The following GCKR variants were observed in gnomAD, a reference collection of about 807,000 sequenced individuals.
GCKR encodes the protein glucokinase regulatory protein.
A neutral mutation model predicts 82.9 loss-of-function variants in GCKR; 73 were observed. That is an observed-to-expected ratio of 0.88 (90% CI 0.73 to 1.07). The LOEUF (loss-of-function observed/expected upper bound fraction) is 1.07, where lower values mean the gene tolerates loss of function less well. Ranked by LOEUF, GCKR falls within the 50% of genes least tolerant of loss-of-function variation. The pLI, the probability that GCKR is intolerant of heterozygous loss-of-function variation, is 0.00. For missense variants in GCKR, 784 were observed against 782.1 expected (o/e 1.00, Z -0.03); for synonymous variants, 294 against 291.8 (o/e 1.01, Z -0.08).
In GCKR at chr2:27,503,620, G is replaced by A; in HGVS notation, c.750+1G>A. 2 of 1,530,282 alleles carry A rather than the reference G, an allele frequency of 1.3e-6. No individual in the cohort carries two copies. The highest frequency in any genetic ancestry group is 1.8e-6 in the Non-Finnish European group (2 of 1,103,420). The allele number at this position is 1,530,282 out of a possible 1,614,324, so 94.8% of individuals were successfully genotyped here. ...TTTTGTGCTCAATCCTGCCATCGGGGTAGGGCCTCTCCTTTTTCTATGTTC... is the reference window on the plus strand; with the variant it reads ...TTTTGTGCTCAATCCTGCCATCGGGATAGGGCCTCTCCTTTTTCTATGTTC... On this transcript the variant is annotated splice_donor_variant, in intron 9 of 18. Transcript: ENST00000264717. LOFTEE classifies it high-confidence loss of function.
intron 16 of GCKR, among the ~76,000 whole-genome samples, chr2:27,516,381 C>A (rs1670010400): frequency 6.7e-6 from 1 of 150,192 alleles, no homozygotes. Context: ...ACCTCCGCCC[C>A]CCAGGTTCAA....
intron 11 of GCKR, 76 bp from the exon 12 acceptor site, chr2:27,506,712 C>G: frequency 9.0e-7 from 1 of 1,110,740 alleles, no homozygotes. Flanking sequence ...TTTGTTGACT[C>G]CTGTGTTCTT....
At chr2:27,521,419 C>T (rs1670151794) in intron 17 of GCKR, among the ~76,000 whole-genome samples, 1 of 151,806 alleles carries the variant, frequency 6.6e-6, no homozygotes, top group Non-Finnish European at 1.5e-5. Context: ...CAACCTCCAC[C>T]TCCTGGGTTC....
rs1034870471 is a variant in GCKR at position 27,506,367 on chromosome 2, C to G, written c.870-114C>G. 11 of 770,306 alleles carry G rather than the reference C, an allele frequency of 1.4e-5. No homozygotes were observed. The African/African-American group carries it at 1.9e-4, about 13-fold the overall frequency. The allele number at this position is 770,306 out of a possible 1,614,324, so 47.7% of individuals were successfully genotyped here. A position where few individuals can be genotyped will look rare whatever the true frequency, so the allele number is the denominator to read the frequency against. On this transcript the variant is annotated intron_variant, in intron 10 of 18. Transcript: ENST00000264717. ...CCTACTCTCTGCACCTCTCCAGGGA[C>G]CAGCAGAATTTAGTTCTAAGGGAGC...
At chr2:27,517,538 C>G (rs1670040714) in intron 16 of GCKR, among the ~76,000 whole-genome samples, 1 of 152,164 alleles carries the variant, frequency 6.6e-6, no homozygotes, top group Admixed American at 6.5e-5. Flanking sequence ...CCCCTGCCCC[C>G]CATGATTCAA....
Position 27,498,763 on chromosome 2 carries a change from C to A in GCKR, c.394C>A (p.Pro132Thr). The change falls in exon 5 of 19, where the codon CCT becomes ACT. Residue 132 changes from proline (P) to threonine (T), a missense_variant. By Grantham distance (38) the Pro-to-Thr change is conservative (BLOSUM62 -1). Coordinates refer to ENST00000264717, the MANE Select transcript of GCKR (RefSeq NM_001486.4). Reference sequence around the variant, plus strand: ...GCTGATGAAAGGTCTGGGACAGAAACCTCTTTACACCTACCTCATTGCAGG... The same window carrying A: ...GCTGATGAAAGGTCTGGGACAGAAAACTCTTTACACCTACCTCATTGCAGG... ...NQLMKGLGQK[P>T]LYTYLIAGGD... 3 of 1,608,096 alleles carry A rather than the reference C, an allele frequency of 1.9e-6. No homozygotes were observed. The highest frequency in any genetic ancestry group is 2.6e-6 in the Non-Finnish European group (3 of 1,174,508).
At chr2:27,499,257 T>G in intron 6 of GCKR, 49 bp downstream of exon 6, 1 of 1,436,832 alleles carries the variant, frequency 7.0e-7, no homozygotes, top group Non-Finnish European at 9.8e-7. Flanking sequence ...CTGTTCCTTC[T>G]CATGGGGACA....
chr2:27,507,549 G>A (rs1669779002), intron 13 of GCKR, 132 bp from the exon 14 acceptor site: 10 of 714,144 alleles, frequency 1.4e-5, no homozygotes, highest in Non-Finnish European at 2.6e-5. Context: ...GCAAAACACT[G>A]TACCTTTTGA....
chr2:27,505,403 C>CAAAAAAAAAAAAAAAAAAAAA (rs200176153), intron 9 of GCKR, among the ~76,000 whole-genome samples: 1 of 54,512 alleles, frequency 1.8e-5, no homozygotes, highest in Non-Finnish European at 4.0e-5. Context: ...GACTCCATCT[C>CAAAAAAAAAAAAAAAAAAAAA]AAAAAAAAAA....
chr2:27,503,374 G>T (rs747029293), intron 8 of GCKR, 140 bp from the exon 9 acceptor site: 51 of 703,192 alleles, frequency 7.3e-5, no homozygotes, highest in Non-Finnish European at 1.3e-4. Context: ...GCCTCTAAAA[G>T]TTCCAAAGCA....
chr2:27,514,084 A>G (rs947571127), intron 16 of GCKR, among the ~76,000 whole-genome samples: 1 of 151,908 alleles, frequency 6.6e-6, no homozygotes, highest in Non-Finnish European at 1.5e-5. Context: ...GGGTTCTAGT[A>G]TTTAGAAACC....
chr2:27,509,732 C>T (rs925618906), intron 16 of GCKR: 3 of 114,584 alleles, frequency 2.6e-5, no homozygotes, highest in Non-Finnish European at 5.3e-5. Context: ...TTACAAATTA[C>T]AGAAATGCAA....
At chr2:27,519,826 T>G (rs1670107950) in intron 17 of GCKR, among the ~76,000 whole-genome samples, 1 of 152,120 alleles carries the variant, frequency 6.6e-6, no homozygotes. Context: ...GATCATGTGC[T>G]TTCCCTTCAG....
chr2:27,505,618 GC>G, intron 9 of GCKR, 99 bp from the exon 10 acceptor site: 1 of 741,226 alleles, frequency 1.3e-6, no homozygotes, highest in Non-Finnish European at 2.5e-6. Context: ...CACACTGGGG[GC>G]CACTGGTACT....
At chr2:27,519,757 C>T (rs1670106605) in intron 17 of GCKR, among the ~76,000 whole-genome samples, 1 of 152,176 alleles carries the variant, frequency 6.6e-6, no homozygotes, top group African/African-American at 2.4e-5. Flanking sequence ...GCTTGGGACA[C>T]ATGCATGTCC....
chr2:27,508,296 G>A (rs1482388521), intron 16 of GCKR, 45 bp downstream of exon 16: 2 of 1,218,510 alleles, frequency 1.6e-6, no homozygotes, highest in Admixed American at 1.7e-5. Context: ...GGGCTCAGAG[G>A]GTGAGGGATT....
chr2:27,498,206 T>C (rs749765198), intron 3 of GCKR, 49 bp from the exon 4 acceptor site: 1 of 1,366,304 alleles, frequency 7.3e-7, no homozygotes, highest in Non-Finnish European at 1.0e-6. Context: ...AATATTCTTC[T>C]CCCAACCTGA....
rs1297379020 is a variant in GCKR, at chr2:27,503,619, G to T, written c.750G>T (p.Gly250=). The change falls in exon 9 of 19, where the codon GGG becomes GGT. Residue 250 remains glycine (G), a splice_region_variant and synonymous_variant. Coordinates refer to ENST00000264717, the MANE Select transcript of GCKR (RefSeq NM_001486.4). Reference sequence around the variant, plus strand: ...CTTTTGTGCTCAATCCTGCCATCGGGGTAGGGCCTCTCCTTTTTCTATGTT... The same window carrying T: ...CTTTTGTGCTCAATCCTGCCATCGGTGTAGGGCCTCTCCTTTTTCTATGTT... ...QKAFVLNPAI[G]PEGLSGSSRM... 7.1e-6 allele frequency: 11 copies of T among 1,538,710 alleles called. No individual in the cohort carries two copies. The highest frequency in any genetic ancestry group is 9.0e-6 in the Non-Finnish European group (10 of 1,111,132).
At chr2:27,507,929 C>A in intron 14 of GCKR, 48 bp from the exon 15 acceptor site, 1 of 1,367,430 alleles carries the variant, frequency 7.3e-7, no homozygotes, top group Non-Finnish European at 1.0e-6. Context: ...GCAGGAGGAA[C>A]AGCTGCACAG....
Sources: allele counts gnomAD v4.1 joint callset (sites outside exome capture counted in the v4.1 genomes callset), GRCh38; gene constraint gnomAD v4.1.1; transcripts MANE v1.5; gene names NCBI Gene and HGNC (gene_info 2026-07-23, HGNC 2026-07-21).